Variants in RBMS3 observed in about 807,000 individuals in gnomAD.
The protein encoded by RBMS3 is RNA-binding motif, single-stranded-interacting protein 3.
A neutral mutation model predicts 66.8 loss-of-function variants in RBMS3; 27 were observed. The ratio of observed to expected loss-of-function variants is 0.40; its 90% CI spans 0.30 to 0.56. The LOEUF is 0.56. Ranked by LOEUF, RBMS3 falls within the 20% of genes least tolerant of loss-of-function variation. RBMS3 has a pLI of 0.40. For synonymous variants in RBMS3, 188 were observed against 183.0 expected (o/e 1.03, Z -0.22); for missense variants, 513 against 549.5 (o/e 0.93, Z 0.66).
At chr3:29,733,852 A>T (rs4502546) in intron 4 of RBMS3, among the ~76,000 whole-genome samples, 9,094 of 152,096 alleles carry the variant, frequency 0.06, 794 homozygotes, top group African/African-American at 0.19. Context: ...TCCCTTATGT[A>T]GTCTTCTAGT....
intron 1 of RBMS3, among the ~76,000 whole-genome samples, chr3:29,430,457 T>C (rs2041140742): frequency 6.6e-6 from 1 of 152,248 alleles, no homozygotes; most frequent in Non-Finnish European, 1.5e-5. Context: ...CTCACTTCAG[T>C]GCACACAAGT....
At chr3:29,709,820 CTCT>C (rs1455979687) in intron 4 of RBMS3, among the ~76,000 whole-genome samples, 1 of 152,106 alleles carries the variant, frequency 6.6e-6, no homozygotes, top group Non-Finnish European at 1.5e-5. Context: ...TTAATTCTTC[CTCT>C]AAGAAAGCTA....
chr3:29,456,709 G>A (rs779559376), intron 2 of RBMS3, among the ~76,000 whole-genome samples: 27 of 147,406 alleles, frequency 1.8e-4, no homozygotes, highest in Non-Finnish European at 2.6e-4. Flanking sequence ...GCCTACATGA[G>A]TACTTGTGGG....
intron 6 of RBMS3, among the ~76,000 whole-genome samples, chr3:29,800,997 A>ATGTG (rs2057370333): frequency 8.1e-6 from 1 of 122,826 alleles, no homozygotes; most frequent in Non-Finnish European, 1.8e-5. Context: ...ATGCGTGCAC[A>ATGTG]CACGCATGCA....
intron 6 of RBMS3, among the ~76,000 whole-genome samples, chr3:29,847,733 G>T (rs2058820372): frequency 6.6e-6 from 1 of 151,648 alleles, no homozygotes. Flanking sequence ...TCGGCTCACT[G>T]CAGGCTCCGC....
At chr3:29,369,352 G>A (rs1352953400) in intron 1 of RBMS3, among the ~76,000 whole-genome samples, 3 of 151,786 alleles carry the variant, frequency 2.0e-5, no homozygotes, top group African/African-American at 7.3e-5. Context: ...TTAGGTTGGT[G>A]CAAAAGCAAT....
In RBMS3 at chr3:29,361,451, C is replaced by A. The variant is rs200915928; in HGVS notation, c.76-73292C>A. ...CTGATGGGCTTCACTTTTTGGGTAA[C>A]CCAACCTTTCTCTCTGTCTGCCCTT... is the stretch of plus-strand genomic sequence containing the variant. On this transcript the variant is annotated intron_variant, in intron 1 of 14. Transcript: ENST00000383767. Among the ~76,000 whole-genome samples, 21 of 152,266 alleles carry A rather than the reference C, an allele frequency of 1.4e-4. No homozygotes were observed. The East Asian group carries it at 2.1e-3, about 15-fold the overall frequency.
intron 6 of RBMS3, among the ~76,000 whole-genome samples, chr3:29,809,503 T>C (rs753820120): frequency 6.6e-6 from 1 of 152,010 alleles, no homozygotes; most frequent in African/African-American, 2.4e-5. Context: ...GATATATTAG[T>C]AACGGGGCCT....
At chr3:29,975,096 ATATT>A (rs1227144238) in intron 12 of RBMS3, among the ~76,000 whole-genome samples, 7 of 142,110 alleles carry the variant, frequency 4.9e-5, no homozygotes, top group Middle Eastern at 3.7e-3. Flanking sequence ...ATACATTTCT[ATATT>A]TATATATTTT....
intron 3 of RBMS3, among the ~76,000 whole-genome samples, chr3:29,545,906 C>T (rs1353284115): frequency 1.3e-5 from 2 of 152,216 alleles, no homozygotes; most frequent in East Asian, 3.9e-4. Flanking sequence ...TTTAACTATA[C>T]AAGGAAATTC....
At chr3:29,676,756 C>A (rs188795462) in intron 4 of RBMS3, among the ~76,000 whole-genome samples, 1 of 152,046 alleles carries the variant, frequency 6.6e-6, no homozygotes, top group Non-Finnish European at 1.5e-5. Context: ...TTTTAAATAC[C>A]TTTTAAAAAA....
chr3:29,284,236 T>C (rs745330848), intron 1 of RBMS3, among the ~76,000 whole-genome samples: 27 of 152,168 alleles, frequency 1.8e-4, no homozygotes, highest in Admixed American at 4.6e-4. Context: ...ATAATACTTA[T>C]GTTTGATGAA....
chr3:29,880,861 A>G, intron 7 of RBMS3: 1 of 1,508,768 alleles, frequency 6.6e-7, no homozygotes, highest in East Asian at 2.5e-5. Context: ...TGCAATGAAA[A>G]TCTCACCTTA....
intron 1 of RBMS3, among the ~76,000 whole-genome samples, chr3:29,374,533 A>C (rs1049296888): frequency 6.6e-6 from 1 of 152,320 alleles, no homozygotes; most frequent in Non-Finnish European, 1.5e-5. Context: ...GTAGTCAATA[A>C]ATTACCTAAG....
At chr3:29,337,866 TAA>T (rs1319407969) in intron 1 of RBMS3, among the ~76,000 whole-genome samples, 1 of 152,214 alleles carries the variant, frequency 6.6e-6, no homozygotes, top group African/African-American at 2.4e-5. Flanking sequence ...CTGATCTTTC[TAA>T]ATTACATTTG....
At chr3:29,428,663 T>C (rs2041058037) in intron 1 of RBMS3, among the ~76,000 whole-genome samples, 1 of 151,810 alleles carries the variant, frequency 6.6e-6, no homozygotes, top group South Asian at 2.1e-4. Flanking sequence ...GAGGACCCAG[T>C]TGATTCACTT....
chr3:29,868,718 C>G (rs903451249), intron 6 of RBMS3, 140 bp from the exon 7 acceptor site: 3 of 731,052 alleles, frequency 4.1e-6, no homozygotes, highest in Non-Finnish European at 6.7e-6. Context: ...AGAGCTGAGA[C>G]TAAAAGGGGG....
intron 8 of RBMS3, among the ~76,000 whole-genome samples, chr3:29,890,791 G>T (rs1345962722): frequency 6.6e-6 from 1 of 151,554 alleles, no homozygotes; most frequent in African/African-American, 2.4e-5. Flanking sequence ...GCATGATGGT[G>T]ATTCTCTGGG....
At chr3:29,495,991 C>T (rs2043733698) in intron 3 of RBMS3, among the ~76,000 whole-genome samples, 1 of 151,918 alleles carries the variant, frequency 6.6e-6, no homozygotes, top group South Asian at 2.1e-4. Flanking sequence ...TTTTCTAGTA[C>T]CTTTATTTCT....
Sources: gnomAD v4.1 joint callset for allele counts (sites outside exome capture counted in the v4.1 genomes callset) on GRCh38, gnomAD v4.1.1 for gene constraint, MANE v1.5 for transcripts, NCBI Gene and HGNC (gene_info 2026-07-23, HGNC 2026-07-21) for gene names.